Variants in RUNX2 observed in about 807,000 individuals in gnomAD.
RUNX2 encodes the protein runt-related transcription factor 2.
A neutral mutation model predicts 51.7 loss-of-function variants in RUNX2; 10 were observed. The observed-to-expected ratio is 0.19, with a 90% CI of 0.12 to 0.33. The LOEUF (loss-of-function observed/expected upper bound fraction) is 0.33, where lower values mean the gene tolerates loss of function less well. Among genes scored for constraint, RUNX2 ranks in the 10% least tolerant of loss-of-function variants. RUNX2 has a pLI of 1.00. For missense variants in RUNX2, 562 were observed against 691.3 expected, an observed-to-expected ratio of 0.81 and a Z score of 2.10; for synonymous variants, 276 against 273.6, an observed-to-expected ratio of 1.01 and a Z score of -0.09.
In RUNX2 at chr6:45,426,498, G is replaced by A. The variant is rs182536877; in HGVS notation, c.423+3541G>A. Among the ~76,000 whole-genome samples, 12 of 152,328 alleles carry A rather than the reference G, an allele frequency of 7.9e-5. No homozygotes were observed. The East Asian group carries it at 2.1e-3, about 27-fold the overall frequency. ...GGTCTGTCAGCATTTCCACTGTGAA[G>A]CCTGGTGTTCAGGGTTCGTAACTTA... On this transcript the variant is annotated intron_variant, in intron 3 of 8. Transcript: ENST00000647337.
intron 2 of RUNX2, among the ~76,000 whole-genome samples, chr6:45,336,326 A>T (rs1369245067): frequency 1.3e-5 from 2 of 151,474 alleles, no homozygotes; most frequent in East Asian, 3.9e-4. Context: ...TATAACACGC[A>T]TAAGCATATT....
chr6:45,412,420 C>A (rs562703774), intron 2 of RUNX2, among the ~76,000 whole-genome samples: 1 of 151,884 alleles, frequency 6.6e-6, no homozygotes, highest in South Asian at 2.1e-4. Flanking sequence ...TTCTTTTGTA[C>A]GTATGAGAAG....
chr6:45,512,151 T>A, intron 6 of RUNX2, 95 bp from the exon 7 acceptor site: 1 of 1,230,214 alleles, frequency 8.1e-7, no homozygotes, highest in East Asian at 2.3e-5. Flanking sequence ...TTTCTCTCCC[T>A]GTTTTTCTGC....
At chr6:45,395,479 A>G (rs1797561411) in intron 2 of RUNX2, among the ~76,000 whole-genome samples, 1 of 152,236 alleles carries the variant, frequency 6.6e-6, no homozygotes, top group Non-Finnish European at 1.5e-5. Flanking sequence ...ATCCTCTTCT[A>G]TAAAATGAGA....
intron 2 of RUNX2, among the ~76,000 whole-genome samples, chr6:45,339,631 TA>T (rs1355614590): frequency 6.6e-6 from 1 of 152,134 alleles, no homozygotes; most frequent in Non-Finnish European, 1.5e-5. Context: ...GAGGATTCCA[TA>T]AGATGACTAT....
intron 2 of RUNX2, among the ~76,000 whole-genome samples, chr6:45,396,669 G>T (rs1255170015): frequency 1.3e-5 from 2 of 152,140 alleles, no homozygotes; most frequent in Non-Finnish European, 2.9e-5. Flanking sequence ...ATCTCCCAAA[G>T]TGCTGGGATT....
At chr6:45,467,778 C>G (rs1799678258) in intron 5 of RUNX2, among the ~76,000 whole-genome samples, 1 of 152,198 alleles carries the variant, frequency 6.6e-6, no homozygotes, top group African/African-American at 2.4e-5. Context: ...ATCTTTCATT[C>G]TAGCCGTCTT....
chr6:45,476,355 C>G (rs1319755029), intron 5 of RUNX2, among the ~76,000 whole-genome samples: 1 of 152,018 alleles, frequency 6.6e-6, no homozygotes, highest in African/African-American at 2.4e-5. Flanking sequence ...GGACCTTGCT[C>G]AGAAGATAGG....
At position 45,407,360 on chromosome 6, in the gene RUNX2, T is replaced by A. The variant is rs370106044; in HGVS notation, c.59-15233T>A. 1.1e-4 allele frequency among the ~76,000 whole-genome samples: 17 copies of A among 152,240 alleles called. No individual in the cohort carries two copies. The East Asian group carries it at 3.3e-3, about 29-fold the overall frequency. On this transcript the variant is annotated intron_variant, in intron 2 of 8. Coordinates refer to ENST00000647337, the MANE Select transcript of RUNX2 (RefSeq NM_001024630.4). ...CACTACTAGCAGCCTCAGATATATGTAATGCAGGGGAAATACCACAGTGAT... is the reference window on the plus strand; with the variant it reads ...CACTACTAGCAGCCTCAGATATATGAAATGCAGGGGAAATACCACAGTGAT...
intron 6 of RUNX2, among the ~76,000 whole-genome samples, chr6:45,501,405 C>A (rs1800798704): frequency 6.6e-6 from 1 of 152,178 alleles, no homozygotes; most frequent in African/African-American, 2.4e-5. Context: ...CTCTTTCCAT[C>A]CTGTAGGGTT....
intron 2 of RUNX2, among the ~76,000 whole-genome samples, chr6:45,358,494 TC>T (rs1443153439): frequency 2.0e-5 from 3 of 152,282 alleles, no homozygotes; most frequent in Admixed American, 1.3e-4. Context: ...TGCAAATATT[TC>T]CCCCTATACT....
At chr6:45,366,839 C>A (rs1197048204) in intron 2 of RUNX2, among the ~76,000 whole-genome samples, 1 of 152,156 alleles carries the variant, frequency 6.6e-6, no homozygotes, top group Non-Finnish European at 1.5e-5. Context: ...TCAGACCCTT[C>A]CCCTCTTGTC....
intron 5 of RUNX2, among the ~76,000 whole-genome samples, chr6:45,477,757 C>T (rs1203982470): frequency 6.6e-6 from 1 of 152,226 alleles, no homozygotes; most frequent in African/African-American, 2.4e-5. Flanking sequence ...ATGTCTCTAA[C>T]TGCACTCCCT....
intron 2 of RUNX2, among the ~76,000 whole-genome samples, chr6:45,366,591 G>C (rs570530186): frequency 1.3e-5 from 2 of 152,124 alleles, no homozygotes; most frequent in Non-Finnish European, 2.9e-5. Flanking sequence ...TATAAATTTA[G>C]ATGTATTACC....
chr6:45,392,430 A>T (rs1198952358), intron 2 of RUNX2, among the ~76,000 whole-genome samples: 1 of 152,174 alleles, frequency 6.6e-6, no homozygotes, highest in African/African-American at 2.4e-5. Flanking sequence ...GGAATGCATG[A>T]GTCCAGGTTA....
At chr6:45,498,566 T>G (rs1432393707) in intron 6 of RUNX2, among the ~76,000 whole-genome samples, 1 of 152,248 alleles carries the variant, frequency 6.6e-6, no homozygotes, top group Non-Finnish European at 1.5e-5. Context: ...TATAATCATT[T>G]AAATGATTAA....
At chr6:45,458,442 A>G (rs1461184210) in intron 5 of RUNX2, among the ~76,000 whole-genome samples, 1 of 152,232 alleles carries the variant, frequency 6.6e-6, no homozygotes, top group East Asian at 1.9e-4. Flanking sequence ...CTTTTGTAAC[A>G]TTGAGAAATC....
At chr6:45,498,438 C>T (rs1411114508) in intron 6 of RUNX2, among the ~76,000 whole-genome samples, 1 of 152,154 alleles carries the variant, frequency 6.6e-6, no homozygotes, top group Non-Finnish European at 1.5e-5. Context: ...GACATGTGTC[C>T]TGCAGGACTA....
intron 5 of RUNX2, among the ~76,000 whole-genome samples, chr6:45,443,422 G>T (rs546886685): frequency 6.6e-6 from 1 of 152,256 alleles, no homozygotes. Flanking sequence ...ATTGGTTGAA[G>T]CAAGACACAG....
Sources: allele counts gnomAD v4.1 joint callset (sites outside exome capture counted in the v4.1 genomes callset), GRCh38; gene constraint gnomAD v4.1.1; transcripts MANE v1.5; gene names NCBI Gene and HGNC (gene_info 2026-07-23, HGNC 2026-07-21).